Variants in MAGI3 observed in about 807,000 individuals in gnomAD.
The protein encoded by MAGI3 is membrane-associated guanylate kinase, WW and PDZ domain-containing protein 3.
Under a neutral mutation model 121.8 loss-of-function variants are expected in MAGI3, and 43 were observed. The observed-to-expected ratio is 0.35, with a 90% CI of 0.28 to 0.46. The LOEUF (loss-of-function observed/expected upper bound fraction) is 0.46. MAGI3 is among the 20% of genes least tolerant of loss of function. MAGI3 has a pLI of 1.00. For missense variants in MAGI3, 1,547 were observed against 1,797.3 expected (o/e 0.86, Z 2.52); for synonymous variants, 553 against 639.3 (o/e 0.86, Z 2.04).
At chr1:113,605,887 T>C (rs1649737066) in intron 6 of MAGI3, among the ~76,000 whole-genome samples, 4 of 151,788 alleles carry the variant, frequency 2.6e-5, no homozygotes, top group Admixed American at 1.3e-4. Context: ...TGTGAGCCAC[T>C]GCACCCAGCC....
At chr1:113,445,976 G>A (rs553481447) in intron 1 of MAGI3, among the ~76,000 whole-genome samples, 6 of 152,204 alleles carry the variant, frequency 3.9e-5, no homozygotes, top group Non-Finnish European at 8.8e-5. Flanking sequence ...CTCAATAAAG[G>A]TATATACATG....
At chr1:113,544,971 A>G (rs949953578) in intron 1 of MAGI3, among the ~76,000 whole-genome samples, 6 of 152,296 alleles carry the variant, frequency 3.9e-5, no homozygotes, top group African/African-American at 1.4e-4. Flanking sequence ...TAAATTTTCA[A>G]TACTGAAATG....
intron 1 of MAGI3, among the ~76,000 whole-genome samples, chr1:113,540,065 T>C (rs995791102): frequency 6.6e-6 from 1 of 152,158 alleles, no homozygotes; most frequent in African/African-American, 2.4e-5. Flanking sequence ...TTCTCAAAAG[T>C]GCTGGAATTA....
At chr1:113,521,837 G>A (rs923910840) in intron 1 of MAGI3, among the ~76,000 whole-genome samples, 4 of 151,996 alleles carry the variant, frequency 2.6e-5, no homozygotes, top group Admixed American at 1.3e-4. Flanking sequence ...TTTTATTCCT[G>A]CCTCTTCTTC....
intron 19 of MAGI3, among the ~76,000 whole-genome samples, chr1:113,677,082 G>T (rs1407765783): frequency 6.6e-6 from 1 of 152,100 alleles, no homozygotes; most frequent in Non-Finnish European, 1.5e-5. Context: ...ATAGATGGAA[G>T]GATATTGAGA....
Position 113,672,597 on chromosome 1 carries a change from G to T in MAGI3, c.2919-18G>T. The T allele has an allele frequency of 6.2e-7, 1 of 1,604,732 alleles. No homozygotes were observed. The highest frequency in any genetic ancestry group is 1.1e-5 in the South Asian group (1 of 89,058). On this transcript the variant is annotated intron_variant, in intron 17 of 20. Transcript: ENST00000307546. ...ATTTTCTCAGTTCAGAGAGTGACTT[G>T]ATTTCTCTCTCTTGTAGAAGTGCCC...
At chr1:113,515,297 A>G (rs1313709643) in intron 1 of MAGI3, among the ~76,000 whole-genome samples, 1 of 152,090 alleles carries the variant, frequency 6.6e-6, no homozygotes, top group Non-Finnish European at 1.5e-5. Flanking sequence ...TTGTATTGGA[A>G]TCTGATCTGT....
chr1:113,561,558 TAAC>T (rs1213452542), intron 2 of MAGI3, among the ~76,000 whole-genome samples: 1 of 152,118 alleles, frequency 6.6e-6, no homozygotes, highest in African/African-American at 2.4e-5. Context: ...TGATAAAATT[TAAC>T]AACCCTTCAG....
At chr1:113,465,093 C>T (rs529575533) in intron 1 of MAGI3, among the ~76,000 whole-genome samples, 2 of 152,118 alleles carry the variant, frequency 1.3e-5, no homozygotes, top group East Asian at 1.9e-4. Context: ...TGGAGCATCT[C>T]CCCAGTGTTT....
intron 9 of MAGI3, among the ~76,000 whole-genome samples, chr1:113,641,647 G>GT (rs569496541): frequency 4.6e-4 from 67 of 145,932 alleles, no homozygotes; most frequent in Middle Eastern, 3.5e-3. Flanking sequence ...AATTATCAGG[G>GT]TTTTTTTTTT....
At chr1:113,417,161 G>T (rs1476738208) in intron 1 of MAGI3, among the ~76,000 whole-genome samples, 2 of 151,542 alleles carry the variant, frequency 1.3e-5, no homozygotes, top group Non-Finnish European at 2.9e-5. Context: ...TAGGCATATG[G>T]TTATATTAGT....
At chr1:113,625,882 T>A (rs1162000626) in intron 9 of MAGI3, among the ~76,000 whole-genome samples, 1 of 152,216 alleles carries the variant, frequency 6.6e-6, no homozygotes, top group African/African-American at 2.4e-5. Flanking sequence ...ATAACCAGTT[T>A]TTTTAGGGTT....
chr1:113,646,403 T>A, intron 11 of MAGI3, 83 bp from the exon 12 acceptor site: 2 of 1,135,736 alleles, frequency 1.8e-6, no homozygotes, highest in Non-Finnish European at 2.5e-6. Flanking sequence ...TCAGTTGACA[T>A]ATCCATTTCA....
At chr1:113,562,546 C>T (rs1013302430) in intron 2 of MAGI3, among the ~76,000 whole-genome samples, 4 of 152,206 alleles carry the variant, frequency 2.6e-5, no homozygotes, top group African/African-American at 9.7e-5. Flanking sequence ...CTAACATTGA[C>T]ATTCTTCACA....
At chr1:113,474,941 A>G (rs1655736941) in intron 1 of MAGI3, among the ~76,000 whole-genome samples, 1 of 152,112 alleles carries the variant, frequency 6.6e-6, no homozygotes, top group Non-Finnish European at 1.5e-5. Context: ...GTTCTCCTTG[A>G]AGAGGTCCTT....
intron 20 of MAGI3, chr1:113,682,485 T>G: frequency 7.5e-7 from 1 of 1,325,642 alleles, no homozygotes; most frequent in Non-Finnish European, 9.6e-7. Flanking sequence ...GTTACCACAG[T>G]TTGGTTTCCT....
chr1:113,552,862 C>G (rs1427751147), intron 2 of MAGI3, among the ~76,000 whole-genome samples: 1 of 152,204 alleles, frequency 6.6e-6, no homozygotes, highest in Non-Finnish European at 1.5e-5. Context: ...CTCTAAATAT[C>G]ATACTTTCCT....
chr1:113,442,133 T>C (rs571086758), intron 1 of MAGI3, among the ~76,000 whole-genome samples: 3 of 152,300 alleles, frequency 2.0e-5, no homozygotes, highest in Non-Finnish European at 2.9e-5. Context: ...TATAATTTAG[T>C]AGAGTAATAA....
chr1:113,412,993 G>T (rs1202324368), intron 1 of MAGI3, among the ~76,000 whole-genome samples: 2 of 152,102 alleles, frequency 1.3e-5, no homozygotes, highest in Non-Finnish European at 2.9e-5. Flanking sequence ...TTTTCTTCTA[G>T]GGTTTTTATG....
Sources: gnomAD v4.1 joint callset for allele counts (sites outside exome capture counted in the v4.1 genomes callset) on GRCh38, gnomAD v4.1.1 for gene constraint, MANE v1.5 for transcripts, NCBI Gene and HGNC (gene_info 2026-07-23, HGNC 2026-07-21) for gene names.